Variants in TBC1D32 observed in about 807,000 individuals in gnomAD.
TBC1D32 encodes TBC1 domain family member 32.
A neutral mutation model predicts 170.3 loss-of-function variants in TBC1D32; 151 were observed. The observed-to-expected ratio is 0.89, with a 90% CI of 0.78 to 1.01. The LOEUF (loss-of-function observed/expected upper bound fraction) is 1.01. TBC1D32 is among the 50% of genes least tolerant of loss of function. The pLI is 0.00. For synonymous variants in TBC1D32, 498 were observed against 488.0 expected, an observed-to-expected ratio of 1.02 and a Z score of -0.27; for missense variants, 1,464 against 1,457.1, an observed-to-expected ratio of 1.00 and a Z score of -0.08.
At chr6:121,116,439 T>C (rs1004446047) in intron 26 of TBC1D32, among the ~76,000 whole-genome samples, 3 of 152,186 alleles carry the variant, frequency 2.0e-5, no homozygotes, top group Admixed American at 1.3e-4. Context: ...AAGTGTTACA[T>C]GAATTCAGAA....
intron 30 of TBC1D32, among the ~76,000 whole-genome samples, chr6:121,094,134 C>T (rs945851328): frequency 6.6e-6 from 1 of 151,740 alleles, no homozygotes; most frequent in African/African-American, 2.4e-5. Flanking sequence ...GAATGCTGAG[C>T]TATGAGTCAT....
intron 26 of TBC1D32, among the ~76,000 whole-genome samples, chr6:121,125,540 G>C (rs1780739439): frequency 6.6e-6 from 1 of 151,898 alleles, no homozygotes; most frequent in Admixed American, 6.6e-5. Flanking sequence ...CACAAGTGGG[G>C]GTAGTTCCTC....
At chr6:121,306,665 G>A (rs924750147) in intron 5 of TBC1D32, among the ~76,000 whole-genome samples, 1 of 151,992 alleles carries the variant, frequency 6.6e-6, no homozygotes, top group Admixed American at 6.5e-5. Flanking sequence ...GATAATCAGG[G>A]GTTTTCTTTT....
chr6:121,185,749 T>C (rs1191116618), intron 22 of TBC1D32, among the ~76,000 whole-genome samples: 1 of 152,084 alleles, frequency 6.6e-6, no homozygotes, highest in Non-Finnish European at 1.5e-5. Context: ...CTAGGGGTGA[T>C]GGCATCCACA....
intron 10 of TBC1D32, among the ~76,000 whole-genome samples, chr6:121,296,951 T>C (rs1263400178): frequency 1.3e-5 from 2 of 152,082 alleles, no homozygotes; most frequent in African/African-American, 2.4e-5. Context: ...TTTGAACCTT[T>C]AGAAATCCAC....
intron 15 of TBC1D32, among the ~76,000 whole-genome samples, chr6:121,273,217 C>T (rs977708187): frequency 1.3e-5 from 2 of 151,090 alleles, no homozygotes; most frequent in East Asian, 4.0e-4. Context: ...ATGTAACAAA[C>T]TTGCACGTTC....
chr6:121,204,900 A>T (rs921996390), intron 22 of TBC1D32, among the ~76,000 whole-genome samples, 175 bp downstream of exon 22: 4 of 152,206 alleles, frequency 2.6e-5, no homozygotes, highest in African/African-American at 9.6e-5. Context: ...GCCATGGTAC[A>T]CATATCTAAT....
intron 22 of TBC1D32, among the ~76,000 whole-genome samples, chr6:121,161,881 G>A (rs1785713744): frequency 6.6e-6 from 1 of 152,158 alleles, no homozygotes; most frequent in African/African-American, 2.4e-5. Flanking sequence ...CATTCTGACT[G>A]GTGCGAGATG....
chr6:121,333,099 C>A lies in TBC1D32; in HGVS notation c.155+1177G>T, dbSNP rs6569199. ...CCCTGATGCACATATATGATATTGA[C>A]AGGAGTTCCAGATAAGTAGAACTTC... On this transcript the variant is annotated intron_variant, in intron 1 of 31. Transcript: ENST00000398212. Among the ~76,000 whole-genome samples the A allele has an allele frequency of 8.8e-3, 1,347 of 152,224 alleles. 24 individuals are homozygous for A. The highest frequency in any genetic ancestry group is 0.031 in the African/African-American group (1,274 of 41,502).
In TBC1D32 at chr6:121,220,455, T is replaced by C. The variant is rs759572267; in HGVS notation, c.2481+2781A>G. 7.8e-4 allele frequency among the ~76,000 whole-genome samples: 119 copies of C among 151,898 alleles called. 2 individuals carry two copies. Among genetic ancestry groups the C allele is most frequent in the Non-Finnish European group, 1.1e-3 (76 of 67,984 alleles). ...TTAGTTTTACGAAGGCTGAGAGAAATGAGGAAGCTACAGAAGAAAAGTTTG... is the reference window on the plus strand; with the variant it reads ...TTAGTTTTACGAAGGCTGAGAGAAACGAGGAAGCTACAGAAGAAAAGTTTG... On this transcript the variant is annotated intron_variant, in intron 21 of 31. Transcript: ENST00000398212.
chr6:121,325,020 G>A (rs1283086897), intron 1 of TBC1D32, among the ~76,000 whole-genome samples: 1 of 152,002 alleles, frequency 6.6e-6, no homozygotes, highest in Non-Finnish European at 1.5e-5. Flanking sequence ...GACCAGCCTG[G>A]GCAACATGGT....
chr6:121,217,220 C>T (rs1220284157), intron 21 of TBC1D32, among the ~76,000 whole-genome samples: 1 of 152,194 alleles, frequency 6.6e-6, no homozygotes, highest in East Asian at 1.9e-4. Context: ...TGGTATGCAG[C>T]CACTGACTTG....
chr6:121,081,976 G>T (rs1775688221), intron 31 of TBC1D32, among the ~76,000 whole-genome samples: 1 of 152,044 alleles, frequency 6.6e-6, no homozygotes, highest in Non-Finnish European at 1.5e-5. Context: ...CTGAAGAAAT[G>T]AAATGGTGTT....
chr6:121,183,723 T>C (rs1583114907), intron 22 of TBC1D32, among the ~76,000 whole-genome samples: 1 of 152,002 alleles, frequency 6.6e-6, no homozygotes, highest in Admixed American at 6.6e-5. Flanking sequence ...ATATATTACA[T>C]AAATAAAATG....
At chr6:121,213,467 A>AACATAAC (rs200847552) in intron 21 of TBC1D32, among the ~76,000 whole-genome samples, 1,616 of 44,656 alleles carry the variant, frequency 0.036, 211 homozygotes, top group Middle Eastern at 0.056. Context: ...CAAAAATAAT[A>AACATAAC]ATAAAATAAA....
At chr6:121,177,529 C>T (rs1236717767) in intron 22 of TBC1D32, among the ~76,000 whole-genome samples, 2 of 152,062 alleles carry the variant, frequency 1.3e-5, no homozygotes, top group African/African-American at 4.8e-5. Context: ...TTCTTTATAG[C>T]AATGTAAGAA....
chr6:121,227,294 G>A (rs138441681), intron 20 of TBC1D32, among the ~76,000 whole-genome samples: 2 of 152,084 alleles, frequency 1.3e-5, no homozygotes, highest in African/African-American at 4.8e-5. Context: ...CTTGTTTTTG[G>A]ATGAGAGAAT....
intron 15 of TBC1D32, among the ~76,000 whole-genome samples, chr6:121,273,958 G>A (rs987520717): frequency 1.3e-5 from 2 of 152,100 alleles, no homozygotes; most frequent in Admixed American, 6.6e-5. Context: ...GAGTTTCTCT[G>A]AGCCTACTCT....
intron 26 of TBC1D32, among the ~76,000 whole-genome samples, chr6:121,118,448 G>C (rs1274512740): frequency 6.6e-6 from 1 of 152,108 alleles, no homozygotes; most frequent in Non-Finnish European, 1.5e-5. Flanking sequence ...AAAATAAAAT[G>C]AGTTGACAAA....
Sources: allele counts gnomAD v4.1 joint callset (sites outside exome capture counted in the v4.1 genomes callset), GRCh38; gene constraint gnomAD v4.1.1; transcripts MANE v1.5; gene names NCBI Gene and HGNC (gene_info 2026-07-23, HGNC 2026-07-21).